DOCK6: variants seen among roughly 807,000 people sequenced by gnomAD.
The protein encoded by DOCK6 is dedicator of cytokinesis protein 6.
Under a neutral mutation model 230.3 loss-of-function variants are expected in DOCK6, and 167 were observed. The ratio of observed to expected loss-of-function variants is 0.73; its 90% CI spans 0.64 to 0.82. The LOEUF is 0.82. Among genes scored for constraint, DOCK6 ranks in the 40% least tolerant of loss-of-function variants. The probability of loss-of-function intolerance (pLI) is 0.00; values close to 1 mark genes in which losing one functional copy is unlikely to be tolerated. For missense variants in DOCK6, 2,598 were observed against 2,825.8 expected, an observed-to-expected ratio of 0.92 and a Z score of 1.83; for synonymous variants, 1,148 against 1,185.0, an observed-to-expected ratio of 0.97 and a Z score of 0.64.
In DOCK6 at chr19:11,223,032, C is replaced by T; in HGVS notation, c.3030G>A (p.Arg1010=). ...FLSDLLSLVD[R]GFVFSLVRAH... ...CCCGGACCAGGCTGAAGACAAAGCCCCGGTCCACCAGGGACAGAAGGTCAC... is the reference window on the plus strand; with the variant it reads ...CCCGGACCAGGCTGAAGACAAAGCCTCGGTCCACCAGGGACAGAAGGTCAC... The change falls in exon 25 of 48, where the codon CGG becomes CGA. Residue 1010 remains arginine, a synonymous_variant. Transcript: ENST00000294618. 1 of 1,613,798 alleles carries T rather than the reference C, an allele frequency of 6.2e-7. No homozygotes were observed. Among genetic ancestry groups the T allele is most frequent in the South Asian group, 1.1e-5 (1 of 91,076 alleles).
intron 1 of DOCK6, among the ~76,000 whole-genome samples, chr19:11,258,220 T>C (rs1033123850): frequency 6.6e-6 from 1 of 152,094 alleles, no homozygotes; most frequent in African/African-American, 2.4e-5. Context: ...TGATGCTGAG[T>C]GAACAAAGTT....
Position 11,238,280 on chromosome 19 carries a change from G to C in DOCK6, c.1668C>G (p.His556Gln). Residue 556 changes from histidine to glutamine, a missense_variant, in exon 15 of 48, where the codon CAC becomes CAG. By Grantham distance (24) the His-to-Gln change is conservative. Transcript: ENST00000294618. ...SYRNLLYVYPHSLNFSSRQGS... is the reference protein window; with the variant it reads ...SYRNLLYVYPQSLNFSSRQGS... ...CCTGGCGGCTGCTGAAGTTGAGGCT[G>C]TGCGGGTACACGTACAGCAGGTTCC... The C allele has an allele frequency of 3.1e-6, 5 of 1,611,798 alleles. No homozygotes were observed. The highest frequency in any genetic ancestry group is 4.2e-6 in the Non-Finnish European group (5 of 1,179,060).
rs147564326 is a variant in DOCK6, at chr19:11,255,002, C to T, written c.45-1276G>A. On this transcript the variant is annotated intron_variant, in intron 1 of 47. Coordinates refer to ENST00000294618, the MANE Select transcript of DOCK6 (RefSeq NM_020812.4). Reference sequence around the variant, plus strand: ...AAGAGGGCCTTGCACATACTAGGCACACACTCCTTTTTTTTCTGAGATGGA... The same window carrying T: ...AAGAGGGCCTTGCACATACTAGGCATACACTCCTTTTTTTTCTGAGATGGA... 5.5e-3 allele frequency among the ~76,000 whole-genome samples: 837 copies of T among 152,254 alleles called. 7 individuals are homozygous for T. The highest frequency in any genetic ancestry group is 0.019 in the African/African-American group (806 of 41,556).
intron 39 of DOCK6, among the ~76,000 whole-genome samples, chr19:11,207,739 G>C (rs896442952): frequency 1.2e-4 from 18 of 151,086 alleles, no homozygotes; most frequent in Admixed American, 1.1e-3. Flanking sequence ...ACCAGCCTGG[G>C]AAACATGGCA....
In DOCK6 at chr19:11,215,835, G is replaced by A. The variant is rs765065593; in HGVS notation, c.3987C>T (p.Ile1329=). The A allele has an allele frequency of 5.7e-5, 92 of 1,613,820 alleles. No homozygotes were observed. Among genetic ancestry groups the A allele is most frequent in the Non-Finnish European group, 7.4e-5 (87 of 1,179,874 alleles). The change falls in exon 31 of 48, where the codon ATC becomes ATT. Residue 1329 remains isoleucine (I), a synonymous_variant. Transcript: ENST00000294618. ...ARLEEAILGT[I]GARQEMVRRS... ...GCCGAACCATTTCTTGTCGAGCTCC[G>A]ATGGTACCCAGAATGGCTTCCTCTA...
chr19:11,253,158 C>T (rs1273077362), intron 2 of DOCK6, among the ~76,000 whole-genome samples, 200 bp from the exon 3 acceptor site: 1 of 152,024 alleles, frequency 6.6e-6, no homozygotes, highest in Non-Finnish European at 1.5e-5. Flanking sequence ...CTGCCCTGCC[C>T]CTCCCTCCAG....
intron 22 of DOCK6, among the ~76,000 whole-genome samples, chr19:11,231,772 A>G (rs1240605210): frequency 1.3e-5 from 2 of 152,168 alleles, no homozygotes; most frequent in Admixed American, 6.6e-5. Flanking sequence ...GTACCTGGAA[A>G]GAGGCAGGGT....
chr19:11,243,476 C>T lies in DOCK6; in HGVS notation c.1258+81G>A. ...CAGTTCGGCCAGCAGAGGGCGCACCCCCTCGCCCCGTAGCCCCGCCCCAGG... is the reference window on the plus strand; with the variant it reads ...CAGTTCGGCCAGCAGAGGGCGCACCTCCTCGCCCCGTAGCCCCGCCCCAGG... On this transcript the variant is annotated intron_variant, in intron 11 of 47. Transcript: ENST00000294618. This position sits in a 1 kb window ranked among gnomAD's most constrained non-coding sequence, Gnocchi z 6.3. 1.3e-6 allele frequency: 2 copies of T among 1,545,568 alleles called. No individual in the cohort carries two copies. Among genetic ancestry groups the T allele is most frequent in the Non-Finnish European group, 1.7e-6 (2 of 1,146,342 alleles).
In DOCK6 at chr19:11,217,262, G is replaced by T. The variant is rs1175323373; in HGVS notation, c.3680C>A (p.Ser1227Tyr). ...AIAGGPLAPG[S>Y]RASISQGPPT... ...TGGCCCCTGGGAGATGCTGGCCCGG[G>T]AGCCAGGGGCTAGGGGGCCACCAGC... Residue 1227 changes from serine (S) to tyrosine (Y), a missense_variant, in exon 29 of 48, where the codon TCC becomes TAC. Transcript: ENST00000294618. The T allele has an allele frequency of 1.2e-5, 19 of 1,612,758 alleles. No individual in the cohort carries two copies. The highest frequency in any genetic ancestry group is 1.6e-5 in the Non-Finnish European group (19 of 1,179,634).
At chr19:11,204,016 A>T (rs2079214521) in intron 41 of DOCK6, 65 bp downstream of exon 41, 1 of 1,546,664 alleles carries the variant, frequency 6.5e-7, no homozygotes, top group South Asian at 1.2e-5. Context: ...GTGTTCACTG[A>T]TGGCTGCTGG....
chr19:11,259,528 A>C (rs1357874413), intron 1 of DOCK6, among the ~76,000 whole-genome samples: 36 of 127,058 alleles, frequency 2.8e-4, no homozygotes, highest in Middle Eastern at 4.7e-3. Context: ...TTTTCTTCCC[A>C]CCCCTCCAAT....
In DOCK6 at chr19:11,233,330, G is replaced by T; in HGVS notation, c.2591C>A (p.Ala864Asp). 1 of 1,613,864 alleles carries T rather than the reference G, an allele frequency of 6.2e-7. No individual in the cohort carries two copies. ...GCTTGCGGGGCGACCAGAGCCACGG[G>T]CCAGTGTGGCAGCCTGCACTGTCAC... The part of the protein sequence containing the change: ...PPVTVQAATL[A>D]RGSGRPASLY... Residue 864 changes from alanine (A) to aspartate (D), a missense_variant, in exon 22 of 48, where the codon GCC (alanine) becomes GAC (aspartate). Transcript: ENST00000294618.
intron 28 of DOCK6, among the ~76,000 whole-genome samples, chr19:11,218,594 C>T (rs1203478733): frequency 3.3e-5 from 5 of 152,094 alleles, no homozygotes; most frequent in Admixed American, 1.3e-4. Flanking sequence ...ACTGCAGGTG[C>T]GTGCTGCCAC....
intron 4 of DOCK6, 63 bp downstream of exon 4, chr19:11,252,419 G>T: frequency 6.3e-7 from 1 of 1,599,706 alleles, no homozygotes; most frequent in Non-Finnish European, 8.6e-7. Flanking sequence ...AGGACCGGCT[G>T]CAGACATCAG....
rs749888835 is a variant in DOCK6 at position 11,199,440 on chromosome 19, C to T, written c.*57G>A. The T allele has an allele frequency of 1.4e-5, 22 of 1,551,434 alleles. No individual in the cohort carries two copies. Among genetic ancestry groups the T allele is most frequent in the Non-Finnish European group, 1.9e-5 (22 of 1,145,706 alleles). ...ACCAGGGCAGACTCCCCTCGCAGCA[C>T]AGACAGCTGAGGCCCGGGTGCTGGT... On this transcript the variant is annotated 3_prime_UTR_variant, in exon 48 of 48. Transcript: ENST00000294618.
intron 34 of DOCK6, among the ~76,000 whole-genome samples, chr19:11,213,612 CTTT>C (rs566375291): frequency 2.2e-5 from 3 of 138,936 alleles, no homozygotes; most frequent in Non-Finnish European, 4.7e-5. Flanking sequence ...GAATGAGCTC[CTTT>C]TTTTTTTTTT....
intron 22 of DOCK6, chr19:11,229,523 A>G (rs568637656): frequency 3.7e-6 from 1 of 268,060 alleles, no homozygotes; most frequent in East Asian, 1.8e-4. Context: ...AGAGAGAGAA[A>G]TGCTTCCACA....
intron 37 of DOCK6, among the ~76,000 whole-genome samples, chr19:11,210,831 A>G (rs551304572): frequency 5.5e-4 from 80 of 145,836 alleles, no homozygotes; most frequent in African/African-American, 1.9e-3. Context: ...TCATCTGGCC[A>G]TCTCTTCACC....
At chr19:11,231,465 T>C (rs1207741472) in intron 22 of DOCK6, among the ~76,000 whole-genome samples, 3 of 152,196 alleles carry the variant, frequency 2.0e-5, no homozygotes, top group Non-Finnish European at 2.9e-5. Context: ...TCCGTGTCTA[T>C]TTCCCCAACT....
Sources: gnomAD v4.1 joint callset for allele counts (sites outside exome capture counted in the v4.1 genomes callset) on GRCh38, gnomAD v4.1.1 for gene constraint, Gnocchi (gnomAD v3.1) non-coding constraint, MANE v1.5 for transcripts, NCBI Gene and HGNC (gene_info 2026-07-23, HGNC 2026-07-21) for gene names.